TRPM6: variants seen among roughly 807,000 people sequenced by gnomAD.
The protein encoded by TRPM6 is transient receptor potential cation channel subfamily M member 6.
A neutral mutation model predicts 247.6 loss-of-function variants in TRPM6; 111 were observed. The observed-to-expected ratio is 0.45, with a 90% CI of 0.38 to 0.52. TRPM6 has a LOEUF of 0.52. TRPM6 is among the 20% of genes least tolerant of loss of function. TRPM6 has a pLI of 0.00. For missense variants in TRPM6, 2,126 were observed against 2,421.5 expected (o/e 0.88, Z 2.56); for synonymous variants, 892 against 853.8 (o/e 1.04, Z -0.78).
In TRPM6 at chr9:74,808,015, C is replaced by G. The variant is rs750133184; in HGVS notation, c.1638+19G>C. The G allele has an allele frequency of 9.9e-6, 16 of 1,613,508 alleles. No homozygotes were observed. The Admixed American group carries it at 1.3e-4, about 13-fold the overall frequency. On this transcript the variant is annotated intron_variant, in intron 14 of 38. Coordinates refer to ENST00000360774, the MANE Select transcript of TRPM6 (RefSeq NM_017662.5). ...CTAATCATTCTCAATTTTACTTGGG[C>G]ACTTTTCAATTACTCTACCTTGTAT...
intron 2 of TRPM6, among the ~76,000 whole-genome samples, chr9:74,857,367 T>G (rs1408120395): frequency 1.3e-5 from 2 of 152,212 alleles, no homozygotes; most frequent in Non-Finnish European, 2.9e-5. Flanking sequence ...TTATGAGTTC[T>G]AAACCTTAAA....
At chr9:74,876,258 A>G (rs1831188577) in intron 1 of TRPM6, among the ~76,000 whole-genome samples, 1 of 152,074 alleles carries the variant, frequency 6.6e-6, no homozygotes. Context: ...CAAATTTCAT[A>G]TTTTTAGTAG....
chr9:74,773,774 T>C (rs1827126284), intron 24 of TRPM6, among the ~76,000 whole-genome samples: 1 of 152,260 alleles, frequency 6.6e-6, no homozygotes, highest in Non-Finnish European at 1.5e-5. Context: ...AAAATCTGAA[T>C]TTTAAATTGA....
chr9:74,857,795 G>A (rs1830572636), intron 2 of TRPM6: 2 of 152,150 alleles, frequency 1.3e-5, no homozygotes, highest in Non-Finnish European at 2.9e-5. Flanking sequence ...GTCTATGGAA[G>A]GAAAACGGAA....
chr9:74,812,239 G>T (rs1828757082), intron 12 of TRPM6, 60 bp downstream of exon 12: 1 of 1,608,202 alleles, frequency 6.2e-7, no homozygotes. Flanking sequence ...TGGTCTGCTT[G>T]ATGATCCTTG....
chr9:74,819,320 A>C (rs1829065549), intron 9 of TRPM6, among the ~76,000 whole-genome samples: 1 of 151,998 alleles, frequency 6.6e-6, no homozygotes, highest in Non-Finnish European at 1.5e-5. Flanking sequence ...AAAAAAAAAA[A>C]AAGAATTGAT....
At chr9:74,797,002 A>C in intron 17 of TRPM6, 109 bp from the exon 18 acceptor site, 1 of 997,064 alleles carries the variant, frequency 1.0e-6, no homozygotes, top group Admixed American at 2.1e-5. Context: ...GACCCATCCC[A>C]GTCAATTTTC....
chr9:74,842,254 C>T lies in TRPM6; in HGVS notation c.242G>A (p.Trp81Ter). 6.2e-7 allele frequency: 1 copy of T among 1,614,048 alleles called. No individual in the cohort carries two copies. Among genetic ancestry groups the T allele is most frequent in the African/African-American group, 1.3e-5 (1 of 75,000 alleles). The change falls in exon 4 of 39, where the codon TGG becomes TAG. Residue 81 changes from tryptophan (W) to a stop codon, truncating the protein, a stop_gained. Transcript: ENST00000360774. LOFTEE classifies it high-confidence loss of function. ...SAAKGKESEQ[W>*]SVEKHTTKSP... ...TTTCGTTGTGTGCTTTTCAACAGAC[C>T]ATTGTTCACTTTCTTTACCCTTGGC...
chr9:74,762,879 GCTGCCTAGAACCT>G lies in TRPM6; in HGVS notation c.3779_3791del (p.Glu1260AlafsTer20), dbSNP rs773117784. ...ATTTCTTCTCTCCAGCGATCTCCAT[GCTGCCTAGAACCT>G]CTGCACAGATGACATTGCTCCAGCT... On this transcript the variant is annotated frameshift_variant, in exon 26 of 39. Coordinates refer to ENST00000360774, the MANE Select transcript of TRPM6 (RefSeq NM_017662.5). LOFTEE classifies it high-confidence loss of function. 1 of 1,613,766 alleles carries G rather than the reference GCTGCCTAGAACCT, an allele frequency of 6.2e-7. No homozygotes were observed.
intron 17 of TRPM6, among the ~76,000 whole-genome samples, chr9:74,798,015 T>A (rs2118991695): frequency 6.6e-6 from 1 of 152,332 alleles, no homozygotes; most frequent in South Asian, 2.1e-4. Flanking sequence ...TTCATTATAT[T>A]GCTATTATTC....
intron 38 of TRPM6, among the ~76,000 whole-genome samples, chr9:74,727,131 C>T (rs1181353220): frequency 6.6e-6 from 1 of 152,070 alleles, no homozygotes; most frequent in Admixed American, 6.5e-5. Flanking sequence ...CCTGTAATCC[C>T]AGCACTTTGG....
intron 1 of TRPM6, chr9:74,887,381 G>C: frequency 2.9e-6 from 4 of 1,401,746 alleles, no homozygotes; most frequent in Non-Finnish European, 3.7e-6. Context: ...CCGGGTCTGA[G>C]ATCTGTGCCC....
At chr9:74,753,110 CA>C (rs35980332) in intron 28 of TRPM6, among the ~76,000 whole-genome samples, 14,952 of 103,902 alleles carry the variant, frequency 0.14, 622 homozygotes, top group South Asian at 0.26. Flanking sequence ...GAGACTGTCT[CA>C]AAAAAAAAAA....
intron 9 of TRPM6, among the ~76,000 whole-genome samples, chr9:74,818,803 C>T (rs1417957194): frequency 2.6e-5 from 4 of 151,936 alleles, no homozygotes; most frequent in African/African-American, 9.7e-5. Context: ...CAACTAAAAC[C>T]CCAAAGAGTT....
At chr9:74,730,450 G>A (rs1052470678) in intron 37 of TRPM6, among the ~76,000 whole-genome samples, 13 of 152,192 alleles carry the variant, frequency 8.5e-5, no homozygotes, top group African/African-American at 2.7e-4. Context: ...TCATAGGAAC[G>A]TTACCATCTT....
Position 74,723,254 on chromosome 9 carries a change from G to A in TRPM6, c.*1359C>T, listed in dbSNP as rs1825195248. 2 of 152,076 alleles carry A rather than the reference G, an allele frequency of 1.3e-5. No individual in the cohort carries two copies. The allele number at this position is 152,076 out of a possible 1,614,324, so 9.4% of individuals were successfully genotyped here. On this transcript the variant is annotated 3_prime_UTR_variant, in exon 39 of 39. Coordinates refer to ENST00000360774, the MANE Select transcript of TRPM6 (RefSeq NM_017662.5). ...ATATATATACATTCTTTATGCCAGG[G>A]GAATAGGGAACTCTGCTCTGGAAGG...
chr9:74,812,165 G>T, intron 12 of TRPM6, 134 bp downstream of exon 12: 1 of 1,154,278 alleles, frequency 8.7e-7, no homozygotes, highest in Non-Finnish European at 1.3e-6. Flanking sequence ...ACTAGATCCA[G>T]CTTCAGATAA....
chr9:74,811,081 T>C (rs1487293993), intron 12 of TRPM6, among the ~76,000 whole-genome samples: 1 of 152,198 alleles, frequency 6.6e-6, no homozygotes, highest in Non-Finnish European at 1.5e-5. Flanking sequence ...GATGCAAATA[T>C]GTAGATAATA....
chr9:74,855,591 T>C, intron 2 of TRPM6, 26 bp from the exon 3 acceptor site: 2 of 1,527,718 alleles, frequency 1.3e-6, no homozygotes, highest in Non-Finnish European at 1.8e-6. Context: ...AAAACCTCTG[T>C]TAGTTTGTTG....
Sources: gnomAD v4.1 joint callset for allele counts (sites outside exome capture counted in the v4.1 genomes callset) on GRCh38, gnomAD v4.1.1 for gene constraint, MANE v1.5 for transcripts, NCBI Gene and HGNC (gene_info 2026-07-23, HGNC 2026-07-21) for gene names.